Variants in JMY observed in about 807,000 individuals in gnomAD.
JMY encodes junction mediating and regulatory protein, p53 cofactor.
JMY carries 46 observed loss-of-function variants against 103.3 expected under a neutral mutation model. That is an observed-to-expected ratio of 0.45 (90% CI 0.35 to 0.57). The LOEUF is 0.57. JMY is among the 20% of genes least tolerant of loss of function. JMY has a pLI of 0.00. For synonymous variants in JMY, 526 were observed against 489.3 expected, an observed-to-expected ratio of 1.07 and a Z score of -0.99; for missense variants, 1,238 against 1,255.2, an observed-to-expected ratio of 0.99 and a Z score of 0.21.
In JMY at chr5:79,326,029, A is replaced by G. The variant is rs1291933837; in HGVS notation, c.*4427A>G. 6.6e-6 allele frequency: 1 copy of G among 152,182 alleles called. No individual in the cohort carries two copies. Among genetic ancestry groups the G allele is most frequent in the East Asian group, 1.9e-4 (1 of 5,200 alleles). 9.4% of individuals were successfully genotyped at this position (152,182 alleles called of 1,614,324 possible). On this transcript the variant is annotated 3_prime_UTR_variant, in exon 11 of 11. Coordinates refer to ENST00000396137, the MANE Select transcript of JMY (RefSeq NM_152405.5). ...TTAATTGATTGAATTCCAAATTTAT[A>G]CTGTCTCTTCCCTTCTGCAGAGACA...
intron 1 of JMY, among the ~76,000 whole-genome samples, chr5:79,256,375 G>C (rs755491198): frequency 1.4e-4 from 22 of 152,070 alleles, no homozygotes; most frequent in Non-Finnish European, 3.1e-4. Context: ...TGCCATCCAA[G>C]AGTCAAGTCC....
intron 6 of JMY, among the ~76,000 whole-genome samples, chr5:79,303,696 T>C (rs7711939): frequency 0.71 from 107,523 of 152,042 alleles, 39,055 homozygotes; most frequent in African/African-American, 0.9. Flanking sequence ...CTCGAAGTCA[T>C]AGAAGTGAAG....
intron 7 of JMY, among the ~76,000 whole-genome samples, chr5:79,310,916 G>A (rs528330814): frequency 3.9e-5 from 6 of 152,172 alleles, no homozygotes; most frequent in Non-Finnish European, 8.8e-5. Context: ...GAAGCAGGAG[G>A]ATCACTTGGG....
At chr5:79,299,423 C>T (rs7732681) in intron 4 of JMY, among the ~76,000 whole-genome samples, 94,137 of 151,768 alleles carry the variant, frequency 0.62, 29,884 homozygotes, top group African/African-American at 0.77. Context: ...GTACACTTTC[C>T]CCTTGGTGGT....
chr5:79,305,053 T>C (rs944293312), intron 6 of JMY, among the ~76,000 whole-genome samples: 2 of 152,154 alleles, frequency 1.3e-5, no homozygotes, highest in Non-Finnish European at 2.9e-5. Context: ...GGCAATAGAG[T>C]GAACCAGAGT....
At chr5:79,259,142 A>G (rs896850176) in intron 1 of JMY, among the ~76,000 whole-genome samples, 11 of 152,066 alleles carry the variant, frequency 7.2e-5, no homozygotes, top group African/African-American at 2.7e-4. Flanking sequence ...TTCAGCTCTC[A>G]GTAGAGAGGG....
intron 8 of JMY, 80 bp downstream of exon 8, chr5:79,312,578 C>A: frequency 1.5e-6 from 1 of 655,082 alleles, no homozygotes. Flanking sequence ...TGTAGGATTT[C>A]TTTGTGGGAA....
At chr5:79,266,272 C>T (rs1424524434) in intron 1 of JMY, among the ~76,000 whole-genome samples, 1 of 152,196 alleles carries the variant, frequency 6.6e-6, no homozygotes, top group Non-Finnish European at 1.5e-5. Context: ...CTGTTTGGTT[C>T]ACCATTGTGT....
chr5:79,295,194 T>C (rs967466326), intron 4 of JMY, among the ~76,000 whole-genome samples: 1 of 152,242 alleles, frequency 6.6e-6, no homozygotes, highest in African/African-American at 2.4e-5. Flanking sequence ...ATGTTCTATG[T>C]TTACCCTCTC....
In JMY at chr5:79,314,314, A is replaced by C. The variant is rs1209561446; in HGVS notation, c.2122A>C (p.Arg708=). 6.2e-7 allele frequency: 1 copy of C among 1,614,214 alleles called. No homozygotes were observed. The highest frequency in any genetic ancestry group is 8.5e-7 in the Non-Finnish European group (1 of 1,180,028). The change falls in exon 9 of 11, where the codon AGA becomes CGA. Residue 708 remains arginine (R), a synonymous_variant. Transcript: ENST00000396137. ...STRLRLAHAR[R]KGAASPVLQE... is the part of the protein sequence containing the mutation. ...CAGATTACGACTAGCTCATGCAAGA[A>C]GAAAAGGTGCAGCAAGTCCTGTTCT...
At chr5:79,314,984 C>A in intron 9 of JMY, 133 bp downstream of exon 9, 1 of 783,774 alleles carries the variant, frequency 1.3e-6, no homozygotes, top group Non-Finnish European at 2.0e-6. Flanking sequence ...TTTTCAAAGT[C>A]ACACTAGAGG....
chr5:79,290,202 C>A lies in JMY; in HGVS notation c.1288C>A (p.His430Asn). The A allele has an allele frequency of 6.3e-7, 1 of 1,598,086 alleles. No homozygotes were observed. Among genetic ancestry groups the A allele is most frequent in the Non-Finnish European group, 8.5e-7 (1 of 1,170,796 alleles). Reference protein sequence around the residue: ...KEDADWQRKAHMAVLSIQDLT... With the variant: ...KEDADWQRKANMAVLSIQDLT... Reference sequence around the variant, plus strand: ...AGATGCTGATTGGCAGCGGAAAGCTCACATGGCTGTACTGTCTATTCAAGA... The same window carrying A: ...AGATGCTGATTGGCAGCGGAAAGCTAACATGGCTGTACTGTCTATTCAAGA... The change falls in exon 3 of 11, where the codon CAC becomes AAC. Residue 430 changes from histidine (H) to asparagine (N), a missense_variant. His to Asn is a moderately conservative substitution (Grantham distance 68, BLOSUM62 1). Transcript: ENST00000396137.
At chr5:79,270,483 A>G (rs59203353) in intron 1 of JMY, among the ~76,000 whole-genome samples, 31,453 of 76,954 alleles carry the variant, frequency 0.41, 8,649 homozygotes, top group Non-Finnish European at 0.5. Context: ...ATTTACATAA[A>G]TATTTACATA....
rs544171005 is a variant in JMY, at chr5:79,289,877, T to A, written c.1207-244T>A. 2.6e-5 allele frequency among the ~76,000 whole-genome samples: 4 copies of A among 152,180 alleles called. No homozygotes were observed. The East Asian group carries it at 5.8e-4, about 22-fold the overall frequency. On this transcript the variant is annotated intron_variant, in intron 2 of 10. Transcript: ENST00000396137. ...CCTAAAAACAATCAGTCTTAACATA[T>A]TGGTATATATTCTTTGCCTACGTAT...
chr5:79,288,054 A>G (rs1580356516), intron 2 of JMY, among the ~76,000 whole-genome samples: 1 of 152,356 alleles, frequency 6.6e-6, no homozygotes, highest in East Asian at 1.9e-4. Context: ...TTCTTATAGC[A>G]AACAACTCCA....
chr5:79,278,208 C>A (rs973757396), intron 2 of JMY, 125 bp downstream of exon 2: 1 of 799,660 alleles, frequency 1.3e-6, no homozygotes, highest in Non-Finnish European at 1.9e-6. Flanking sequence ...GGTCCTATTT[C>A]TGCAAAGTTT....
At chr5:79,254,014 C>G (rs2112056253) in intron 1 of JMY, among the ~76,000 whole-genome samples, 1 of 146,006 alleles carries the variant, frequency 6.8e-6, no homozygotes, top group African/African-American at 2.6e-5. Context: ...GTGGCTTGAT[C>G]TTGGCTCACT....
chr5:79,288,720 T>TG (rs1746339907), intron 2 of JMY, among the ~76,000 whole-genome samples: 2 of 151,796 alleles, frequency 1.3e-5, no homozygotes, highest in African/African-American at 2.4e-5. Context: ...TGTTTTGTTT[T>TG]TTTTTGTTTG....
rs796592133 is a variant in JMY at position 79,270,399 on chromosome 5, T to G, written c.1033-7511T>G. On this transcript the variant is annotated intron_variant, in intron 1 of 10. Transcript: ENST00000396137. ...CATAAATATTTACATAAAATATATA[T>G]TTACATAAATATTTAAAATATATAT... Among the ~76,000 whole-genome samples, 14 of 119,050 alleles carry G rather than the reference T, an allele frequency of 1.2e-4. 1 individual carries two copies. The South Asian group carries it at 3.5e-3, about 30-fold the overall frequency. 78.1% of individuals were successfully genotyped at this position (119,050 alleles called of 152,430 possible).
Sources: gnomAD v4.1 joint callset for allele counts (sites outside exome capture counted in the v4.1 genomes callset) on GRCh38, gnomAD v4.1.1 for gene constraint, MANE v1.5 for transcripts, NCBI Gene and HGNC (gene_info 2026-07-23, HGNC 2026-07-21) for gene names.